Variants in CSMD1 observed in about 807,000 individuals in gnomAD.
CSMD1 encodes the protein CUB and sushi domain-containing protein 1.
A neutral mutation model predicts 417.5 loss-of-function variants in CSMD1; 213 were observed. The ratio of observed to expected loss-of-function variants is 0.51; its 90% CI spans 0.46 to 0.57. CSMD1 has a LOEUF of 0.57. Among genes scored for constraint, CSMD1 ranks in the 20% least tolerant of loss-of-function variants. The pLI, the probability that CSMD1 is intolerant of heterozygous loss-of-function variation, is 0.00. For synonymous variants in CSMD1, 2,862 were observed against 1,736.8 expected, an observed-to-expected ratio of 1.65 and a Z score of -16.11; for missense variants, 6,923 against 4,529.7, an observed-to-expected ratio of 1.53 and a Z score of -15.17.
intron 1 of CSMD1, among the ~76,000 whole-genome samples, chr8:4,783,726 GAAACTGCA>G (rs1191458891): frequency 6.6e-6 from 1 of 152,166 alleles, no homozygotes; most frequent in East Asian, 1.9e-4. Flanking sequence ...AACTTGAGTG[GAAACTGCA>G]AGCATATCCT....
chr8:4,339,277 T>A (rs999100198), intron 3 of CSMD1, among the ~76,000 whole-genome samples: 2 of 152,124 alleles, frequency 1.3e-5, no homozygotes, highest in African/African-American at 4.8e-5. Flanking sequence ...AGGAAGTTGA[T>A]AACTACTTCA....
intron 46 of CSMD1, among the ~76,000 whole-genome samples, chr8:3,102,638 T>C (rs1815840041): frequency 6.6e-6 from 1 of 152,210 alleles, no homozygotes; most frequent in Non-Finnish European, 1.5e-5. Flanking sequence ...CATGCACTTC[T>C]GAGGGAGGCC....
chr8:4,145,882 C>A (rs986553387), intron 3 of CSMD1, among the ~76,000 whole-genome samples: 1 of 151,046 alleles, frequency 6.6e-6, no homozygotes, highest in Admixed American at 6.6e-5. Flanking sequence ...TTTTCAAAAT[C>A]ATGTCTTGCT....
At chr8:4,508,181 G>T (rs1439407847) in intron 2 of CSMD1, among the ~76,000 whole-genome samples, 2 of 143,326 alleles carry the variant, frequency 1.4e-5, no homozygotes, top group East Asian at 2.0e-4. Context: ...TTTCAATTCT[G>T]AGGAGGTGTC....
intron 2 of CSMD1, among the ~76,000 whole-genome samples, chr8:4,590,850 C>T (rs544837148): frequency 5.7e-4 from 87 of 152,246 alleles, no homozygotes; most frequent in Non-Finnish European, 9.7e-4. Flanking sequence ...ATAATTTGAG[C>T]TTCTCATAAT....
At chr8:3,035,486 C>A (rs1653892941) in intron 50 of CSMD1, among the ~76,000 whole-genome samples, 1 of 152,100 alleles carries the variant, frequency 6.6e-6, no homozygotes. Context: ...TGTCACTTTC[C>A]CTGAACACTA....
At chr8:4,525,815 A>G (rs1231470639) in intron 2 of CSMD1, among the ~76,000 whole-genome samples, 1 of 152,190 alleles carries the variant, frequency 6.6e-6, no homozygotes, top group Non-Finnish European at 1.5e-5. Context: ...ATCTAGAAGC[A>G]GCAGGCTTCC....
chr8:4,570,987 T>C (rs1433306417), intron 2 of CSMD1, among the ~76,000 whole-genome samples: 5 of 152,180 alleles, frequency 3.3e-5, no homozygotes, highest in East Asian at 3.9e-4. Flanking sequence ...TTGGTGGTGA[T>C]ATCCCTTTAT....
At chr8:4,548,908 T>G (rs1459904181) in intron 2 of CSMD1, among the ~76,000 whole-genome samples, 5 of 152,192 alleles carry the variant, frequency 3.3e-5, no homozygotes, top group Non-Finnish European at 7.3e-5. Context: ...AGAATCCTGT[T>G]ACCTTGGAAA....
chr8:4,021,837 T>A (rs981344872), intron 4 of CSMD1, among the ~76,000 whole-genome samples: 1 of 152,148 alleles, frequency 6.6e-6, no homozygotes, highest in South Asian at 2.1e-4. Context: ...GGGGCTCTAG[T>A]TGGCTCAGAG....
chr8:4,956,640 T>A (rs1809133228), intron 1 of CSMD1, among the ~76,000 whole-genome samples: 1 of 151,994 alleles, frequency 6.6e-6, no homozygotes, highest in Admixed American at 6.6e-5. Flanking sequence ...AGAAAATTAC[T>A]GGAGAAAATA....
intron 1 of CSMD1, among the ~76,000 whole-genome samples, chr8:4,690,642 C>G (rs555346197): frequency 6.6e-6 from 1 of 152,068 alleles, no homozygotes; most frequent in Non-Finnish European, 1.5e-5. Flanking sequence ...TCACACAATC[C>G]TTTTGTGAAA....
chr8:4,241,798 C>T (rs1416558308), intron 3 of CSMD1, among the ~76,000 whole-genome samples: 2 of 151,776 alleles, frequency 1.3e-5, no homozygotes, highest in Admixed American at 1.3e-4. Context: ...ACAAGCTCCA[C>T]CTCCTGGGTT....
chr8:3,742,148 C>A (rs78244185), intron 6 of CSMD1, among the ~76,000 whole-genome samples: 2,300 of 152,256 alleles, frequency 0.015, 25 homozygotes, highest in South Asian at 0.027. Context: ...CTAGTCACTT[C>A]TATCGCCTTT....
chr8:4,150,897 G>GCAAC (rs1796538450), intron 3 of CSMD1, among the ~76,000 whole-genome samples: 1 of 17,116 alleles, frequency 5.8e-5, no homozygotes, highest in Non-Finnish European at 1.5e-4. Context: ...GCCTGAGAAA[G>GCAAC]AGCAATGTTT....
intron 10 of CSMD1, among the ~76,000 whole-genome samples, chr8:3,494,849 G>C (rs1412885139): frequency 6.6e-6 from 1 of 152,108 alleles, no homozygotes; most frequent in Non-Finnish European, 1.5e-5. Flanking sequence ...AAATAGCGTA[G>C]AAAAGTATCA....
At chr8:4,175,314 G>C (rs1251648664) in intron 3 of CSMD1, among the ~76,000 whole-genome samples, 3 of 152,076 alleles carry the variant, frequency 2.0e-5, no homozygotes, top group Non-Finnish European at 4.4e-5. Flanking sequence ...ATCTTCCATT[G>C]TTTAGGTTAA....
intron 21 of CSMD1, among the ~76,000 whole-genome samples, chr8:3,351,581 A>C (rs1275253237): frequency 6.9e-6 from 1 of 145,834 alleles, no homozygotes; most frequent in African/African-American, 2.5e-5. Flanking sequence ...TGGGCGACAC[A>C]GTGTGAGACT....
rs1277556322 is a variant in CSMD1 at position 4,074,216 on chromosome 8, T to C, written c.416-42117A>G. 2.0e-5 allele frequency among the ~76,000 whole-genome samples: 3 copies of C among 152,072 alleles called. No homozygotes were observed. In the South Asian group the frequency reaches 6.2e-4, roughly 32 times the overall value. On this transcript the variant is annotated intron_variant, in intron 3 of 69. Coordinates refer to ENST00000635120, the MANE Select transcript of CSMD1 (RefSeq NM_033225.6). ...TCACTATGCTAAATTGTACACAAATTATACAGCTTTTTGTAACCCCAGAGA... is the reference window on the plus strand; with the variant it reads ...TCACTATGCTAAATTGTACACAAATCATACAGCTTTTTGTAACCCCAGAGA...
Sources: allele counts gnomAD v4.1 joint callset (sites outside exome capture counted in the v4.1 genomes callset), GRCh38; gene constraint gnomAD v4.1.1; transcripts MANE v1.5; gene names NCBI Gene and HGNC (gene_info 2026-07-23, HGNC 2026-07-21).